Variants in EXOC6 observed in about 807,000 individuals in gnomAD.
EXOC6 encodes the protein exocyst complex component 6.
Under a neutral mutation model 112.5 loss-of-function variants are expected in EXOC6, and 60 were observed. The observed-to-expected ratio is 0.53, with a 90% CI of 0.43 to 0.66. EXOC6 has a LOEUF of 0.66. Among genes scored for constraint, EXOC6 ranks in the 30% least tolerant of loss-of-function variants. EXOC6 has a pLI of 0.00. For missense variants in EXOC6, 855 were observed against 957.1 expected (o/e 0.89, Z 1.41); for synonymous variants, 295 against 308.0 (o/e 0.96, Z 0.44).
intron 6 of EXOC6, among the ~76,000 whole-genome samples, chr10:92,911,145 A>G (rs866913679): frequency 6.6e-6 from 1 of 152,168 alleles, no homozygotes; most frequent in African/African-American, 2.4e-5. Context: ...AAATAAAACA[A>G]TGCTCAACAC....
chr10:93,041,398 A>AT (rs1304266070), intron 20 of EXOC6, among the ~76,000 whole-genome samples: 3 of 151,866 alleles, frequency 2.0e-5, no homozygotes, highest in African/African-American at 7.3e-5. Context: ...TTGTTTATTT[A>AT]TTTATTTATT....
intron 20 of EXOC6, among the ~76,000 whole-genome samples, chr10:93,034,804 A>G (rs1210614561): frequency 1.3e-5 from 2 of 152,196 alleles, no homozygotes; most frequent in African/African-American, 4.8e-5. Flanking sequence ...TTATTTTGTT[A>G]CTATATTGTA....
At chr10:92,937,496 T>C (rs1316434676) in intron 12 of EXOC6, among the ~76,000 whole-genome samples, 1 of 152,182 alleles carries the variant, frequency 6.6e-6, no homozygotes, top group East Asian at 1.9e-4. Flanking sequence ...GAATTATAGT[T>C]TTCTACTTTA....
intron 20 of EXOC6, among the ~76,000 whole-genome samples, chr10:93,017,388 A>G (rs1011433301): frequency 2.0e-5 from 3 of 151,554 alleles, no homozygotes; most frequent in African/African-American, 7.3e-5. Context: ...CAGGAGATAG[A>G]AACCATCCTG....
chr10:92,890,117 A>G (rs887469528), intron 1 of EXOC6, among the ~76,000 whole-genome samples: 37 of 152,046 alleles, frequency 2.4e-4, no homozygotes, highest in African/African-American at 8.9e-4. Flanking sequence ...ATAGTTCTTT[A>G]TTTATTTAGT....
intron 1 of EXOC6, among the ~76,000 whole-genome samples, chr10:92,862,203 T>C (rs562222037): frequency 2.6e-5 from 4 of 152,230 alleles, no homozygotes; most frequent in Non-Finnish European, 5.9e-5. Flanking sequence ...TGATTTTACC[T>C]ATTTTGGATA....
At chr10:92,836,157 A>G (rs1288035790) in intron 1 of EXOC6, among the ~76,000 whole-genome samples, 1 of 152,122 alleles carries the variant, frequency 6.6e-6, no homozygotes, top group Non-Finnish European at 1.5e-5. Flanking sequence ...CTCTGCTCCC[A>G]TTGCTGCTTC....
At chr10:92,848,902 A>C (rs1665467404) in intron 1 of EXOC6, among the ~76,000 whole-genome samples, 2 of 151,706 alleles carry the variant, frequency 1.3e-5, no homozygotes, top group Admixed American at 1.3e-4. Flanking sequence ...AGGGTCTCTA[A>C]CCCCGGGCCC....
intron 19 of EXOC6, among the ~76,000 whole-genome samples, chr10:92,999,996 GC>G (rs1843681351): frequency 6.6e-6 from 1 of 152,120 alleles, no homozygotes; most frequent in Non-Finnish European, 1.5e-5. Flanking sequence ...GAACCACCGT[GC>G]CTAGCCCTGT....
intron 1 of EXOC6, among the ~76,000 whole-genome samples, chr10:92,835,697 A>G (rs1474768195): frequency 1.3e-5 from 2 of 152,174 alleles, no homozygotes; most frequent in Non-Finnish European, 2.9e-5. Context: ...TCTCCCAGCT[A>G]TTTAAATCTT....
chr10:93,008,608 C>A (rs1188977697), intron 19 of EXOC6, among the ~76,000 whole-genome samples: 1 of 152,140 alleles, frequency 6.6e-6, no homozygotes, highest in African/African-American at 2.4e-5. Flanking sequence ...AAAAATTAGT[C>A]ATCAATTCTT....
At chr10:92,851,583 G>A (rs904092853) in intron 1 of EXOC6, among the ~76,000 whole-genome samples, 7 of 152,030 alleles carry the variant, frequency 4.6e-5, no homozygotes, top group African/African-American at 1.5e-4. Context: ...CCGGGAGGCG[G>A]AGGTTGCAGT....
chr10:92,838,151 CT>C (rs1409096600), intron 1 of EXOC6, among the ~76,000 whole-genome samples: 2 of 152,202 alleles, frequency 1.3e-5, no homozygotes, highest in Non-Finnish European at 2.9e-5. Flanking sequence ...AACGGCACTT[CT>C]TTTGCAGAGC....
At position 92,934,344 on chromosome 10, in the gene EXOC6, A is replaced by T; in HGVS notation, c.1054A>T (p.Thr352Ser). The T allele has an allele frequency of 6.3e-7, 1 of 1,597,626 alleles. No individual in the cohort carries two copies. Among genetic ancestry groups the T allele is most frequent in the Admixed American group, 1.8e-5 (1 of 56,650 alleles). Residue 352 changes from threonine (T) to serine (S), a missense_variant, in exon 11 of 22, where the codon ACC becomes TCC. By Grantham distance (58) the Thr-to-Ser change is moderately conservative (BLOSUM62 1). Coordinates refer to ENST00000260762, the MANE Select transcript of EXOC6 (RefSeq NM_019053.6). ...FVVEDHILHV[T>S]QGLVTRAYTD... Reference sequence around the variant, plus strand: ...GGTAGAAGATCACATTTTACATGTGACCCAAGGATTAGTAACCAGGGCATA... The same window carrying T: ...GGTAGAAGATCACATTTTACATGTGTCCCAAGGATTAGTAACCAGGGCATA...
intron 8 of EXOC6, among the ~76,000 whole-genome samples, chr10:92,926,697 C>A (rs916950670): frequency 3.9e-5 from 6 of 151,996 alleles, no homozygotes; most frequent in Admixed American, 3.9e-4. Context: ...CCATGCCTTG[C>A]TGATTTTTAA....
intron 20 of EXOC6, among the ~76,000 whole-genome samples, chr10:93,025,200 T>C (rs1175406326): frequency 6.6e-6 from 1 of 152,220 alleles, no homozygotes; most frequent in African/African-American, 2.4e-5. Context: ...GAAAAAGATC[T>C]GGTAGTTTTA....
chr10:92,896,288 T>G (rs1287176624), intron 4 of EXOC6, among the ~76,000 whole-genome samples: 1 of 133,542 alleles, frequency 7.5e-6, no homozygotes, highest in African/African-American at 2.8e-5. Context: ...ACCTCCACCT[T>G]CTGGGCTCAA....
intron 5 of EXOC6, among the ~76,000 whole-genome samples, chr10:92,902,682 T>C (rs1420368683): frequency 6.6e-6 from 1 of 152,148 alleles, no homozygotes; most frequent in Non-Finnish European, 1.5e-5. Flanking sequence ...AGAAGCTTTC[T>C]TATACTTCCT....
At chr10:92,833,908 A>G (rs752613815), upstream of EXOC6, among the ~76,000 whole-genome samples, 1 of 143,954 alleles carries the variant, frequency 6.9e-6, no homozygotes, top group African/African-American at 2.6e-5. Context: ...TAGTTCATGC[A>G]CTCTTTCTTC....
Sources: gnomAD v4.1 joint callset for allele counts (sites outside exome capture counted in the v4.1 genomes callset) on GRCh38, gnomAD v4.1.1 for gene constraint, MANE v1.5 for transcripts, NCBI Gene and HGNC (gene_info 2026-07-23, HGNC 2026-07-21) for gene names.